LRRC7: variants seen among roughly 807,000 people sequenced by gnomAD.
The protein encoded by LRRC7 is leucine-rich repeat-containing protein 7.
LRRC7 carries 23 observed loss-of-function variants against 175.7 expected under a neutral mutation model. That is an observed-to-expected ratio of 0.13 (90% confidence interval 0.09 to 0.19). LRRC7 has a LOEUF of 0.19. LRRC7 is among the 10% of genes least tolerant of loss of function. The pLI is 1.00. For missense variants in LRRC7, 1,354 were observed against 1,904.7 expected (o/e 0.71, Z 5.38); for synonymous variants, 685 against 680.9 (o/e 1.01, Z -0.09).
intron 2 of LRRC7, among the ~76,000 whole-genome samples, chr1:69,753,221 C>T (rs947120553): frequency 1.3e-5 from 2 of 151,616 alleles, no homozygotes; most frequent in Non-Finnish European, 2.9e-5. Flanking sequence ...AAATTGTTTC[C>T]TTTCCTGCTA....
chr1:69,568,099 C>T lies in LRRC7; in HGVS notation c.-541C>T, dbSNP rs1281382504. ...TCCTGCAGTTGCGGAGCGCTCAGCCCCTCCGAGACGCCCGCTGCGCCCTGG... is the reference window on the plus strand; with the variant it reads ...TCCTGCAGTTGCGGAGCGCTCAGCCTCTCCGAGACGCCCGCTGCGCCCTGG... On this transcript the variant is annotated 5_prime_UTR_variant, in exon 1 of 27. Transcript: ENST00000651989. Among the ~76,000 whole-genome samples the T allele has an allele frequency of 6.6e-6, 1 of 152,176 alleles. No homozygotes were observed. Among genetic ancestry groups the T allele is most frequent in the African/African-American group, 2.4e-5 (1 of 41,452 alleles).
At chr1:69,743,099 G>A (rs570407383) in intron 2 of LRRC7, among the ~76,000 whole-genome samples, 1 of 152,046 alleles carries the variant, frequency 6.6e-6, no homozygotes, top group South Asian at 2.1e-4. Context: ...TTTTCTTTCT[G>A]ATAAAACTTT....
intron 1 of LRRC7, among the ~76,000 whole-genome samples, chr1:69,616,740 G>C (rs1049364399): frequency 6.6e-6 from 1 of 152,020 alleles, no homozygotes; most frequent in East Asian, 1.9e-4. Context: ...TGTCAACCTT[G>C]CTAGGCCTCT....
At chr1:69,694,733 C>A (rs1662341643) in intron 2 of LRRC7, among the ~76,000 whole-genome samples, 1 of 102,326 alleles carries the variant, frequency 9.8e-6, no homozygotes, top group Non-Finnish European at 2.1e-5. Flanking sequence ...GAGTGTGGTA[C>A]CCCTACCCCC....
In LRRC7 at chr1:70,143,497, A is replaced by T. The variant is rs971219504; in HGVS notation, c.*21610A>T. ...TATTAATGCATGCATTTCACTGCAT[A>T]GTTTATTGACACTACCCTTGTAAAG... On this transcript the variant is annotated 3_prime_UTR_variant, in exon 27 of 27. Transcript: ENST00000651989. 1.3e-5 allele frequency: 2 copies of T among 152,180 alleles called. No homozygotes were observed. Among genetic ancestry groups the T allele is most frequent in the Non-Finnish European group, 2.9e-5 (2 of 68,022 alleles). 9.4% of individuals were successfully genotyped at this position (152,180 alleles called of 1,614,324 possible). A position where few individuals can be genotyped will look rare whatever the true frequency, so the allele number is the denominator to read the frequency against.
At chr1:69,855,133 C>G (rs960350733) in intron 7 of LRRC7, among the ~76,000 whole-genome samples, 1 of 151,940 alleles carries the variant, frequency 6.6e-6, no homozygotes, top group Non-Finnish European at 1.5e-5. Context: ...AAAATGAAGC[C>G]AAAAGAAGCT....
chr1:69,815,229 A>G (rs1284149430), intron 4 of LRRC7, among the ~76,000 whole-genome samples: 2 of 152,084 alleles, frequency 1.3e-5, no homozygotes, highest in Non-Finnish European at 2.9e-5. Context: ...TTAATACATC[A>G]TTTTGGTGAC....
At chr1:70,111,146 G>A (rs191470720) in intron 26 of LRRC7, among the ~76,000 whole-genome samples, 4 of 152,254 alleles carry the variant, frequency 2.6e-5, no homozygotes, top group Admixed American at 2.6e-4. Context: ...ATATATGAGA[G>A]AGCACAAGAG....
chr1:69,587,356 G>A (rs1400730198), intron 1 of LRRC7, among the ~76,000 whole-genome samples: 3 of 152,086 alleles, frequency 2.0e-5, no homozygotes, highest in South Asian at 2.1e-4. Context: ...CCTGATTCCA[G>A]TGGGCCCTGA....
At chr1:69,583,821 C>G (rs1646297121) in intron 1 of LRRC7, among the ~76,000 whole-genome samples, 1 of 152,000 alleles carries the variant, frequency 6.6e-6, no homozygotes, top group African/African-American at 2.4e-5. Context: ...CTTTGATTGA[C>G]AAAGGGTGAT....
At chr1:70,050,578 CA>C (rs556386714) in intron 22 of LRRC7, among the ~76,000 whole-genome samples, 1 of 151,806 alleles carries the variant, frequency 6.6e-6, no homozygotes, top group African/African-American at 2.4e-5. Context: ...GAATGTGGTG[CA>C]AAAAAATAAT....
At chr1:69,668,332 T>C (rs909365772) in intron 1 of LRRC7, among the ~76,000 whole-genome samples, 4 of 151,842 alleles carry the variant, frequency 2.6e-5, no homozygotes, top group African/African-American at 9.7e-5. Context: ...TGTGTGATGT[T>C]CCCCTCCCTG....
At chr1:70,117,408 A>G (rs1665934515) in intron 26 of LRRC7, among the ~76,000 whole-genome samples, 1 of 152,244 alleles carries the variant, frequency 6.6e-6, no homozygotes, top group Non-Finnish European at 1.5e-5. Flanking sequence ...AAGAGAGGAA[A>G]TTCAGAAACC....
In LRRC7 at chr1:69,729,831, C is replaced by T. The variant is rs775762774; in HGVS notation, c.101-30360C>T. ...GTGGGGGTTCCAAGCCCTCATTTCCCTTCTGTACTGCCCTAGCAGAAGTTC... is the reference window on the plus strand; with the variant it reads ...GTGGGGGTTCCAAGCCCTCATTTCCTTTCTGTACTGCCCTAGCAGAAGTTC... On this transcript the variant is annotated intron_variant, in intron 2 of 26. Transcript: ENST00000651989. 1.5e-4 allele frequency among the ~76,000 whole-genome samples: 23 copies of T among 152,224 alleles called. 1 individual carries two copies. The highest frequency in any genetic ancestry group is 3.1e-4 in the Non-Finnish European group (21 of 68,044).
At chr1:69,692,673 A>G (rs923299875) in intron 2 of LRRC7, among the ~76,000 whole-genome samples, 1 of 152,134 alleles carries the variant, frequency 6.6e-6, no homozygotes, top group Admixed American at 6.5e-5. Flanking sequence ...AATTACACTC[A>G]TTTATTCAAC....
chr1:69,956,825 A>G (rs909947036), intron 8 of LRRC7, among the ~76,000 whole-genome samples: 6 of 151,544 alleles, frequency 4.0e-5, no homozygotes, highest in Non-Finnish European at 7.4e-5. Flanking sequence ...AATCCATCGA[A>G]CTCTAATAGT....
At chr1:69,935,397 C>A (rs1455692384) in intron 8 of LRRC7, among the ~76,000 whole-genome samples, 1 of 152,072 alleles carries the variant, frequency 6.6e-6, no homozygotes, top group Non-Finnish European at 1.5e-5. Flanking sequence ...TTCTACCTAC[C>A]AAATTGGAAT....
At chr1:69,808,393 T>G (rs971226604) in intron 4 of LRRC7, among the ~76,000 whole-genome samples, 5 of 151,916 alleles carry the variant, frequency 3.3e-5, no homozygotes, top group Non-Finnish European at 5.9e-5. Context: ...ACTTGAACTC[T>G]GCTCTGGACC....
At chr1:69,943,247 T>C (rs1648925147) in intron 8 of LRRC7, among the ~76,000 whole-genome samples, 1 of 152,106 alleles carries the variant, frequency 6.6e-6, no homozygotes, top group Non-Finnish European at 1.5e-5. Flanking sequence ...GGTATATCCA[T>C]ACAATGGAAT....
Sources: gnomAD v4.1 joint callset for allele counts (sites outside exome capture counted in the v4.1 genomes callset) on GRCh38, gnomAD v4.1.1 for gene constraint, MANE v1.5 for transcripts, NCBI Gene and HGNC (gene_info 2026-07-23, HGNC 2026-07-21) for gene names.